The following SNTG1 variants were observed in gnomAD, a reference collection of about 807,000 sequenced individuals.
SNTG1 encodes gamma-1-syntrophin.
Under a neutral mutation model 74.7 loss-of-function variants are expected in SNTG1, and 39 were observed. The observed-to-expected ratio is 0.52, with a 90% CI of 0.40 to 0.68. The LOEUF (loss-of-function observed/expected upper bound fraction) is 0.68, where lower values mean the gene tolerates loss of function less well. Among genes scored for constraint, SNTG1 ranks in the 30% least tolerant of loss-of-function variants. The probability of loss-of-function intolerance (pLI) is 0.00; values close to 1 mark genes in which losing one functional copy is unlikely to be tolerated. For missense variants in SNTG1, 685 were observed against 609.5 expected (o/e 1.12, Z -1.30); for synonymous variants, 254 against 217.1 (o/e 1.17, Z -1.49).
At chr8:50,150,823 T>C (rs1194668163) in intron 1 of SNTG1, among the ~76,000 whole-genome samples, 4 of 152,236 alleles carry the variant, frequency 2.6e-5, no homozygotes, top group Admixed American at 6.5e-5. Context: ...CAGTATTTTA[T>C]TGAGGATTTT....
At chr8:50,145,559 A>G (rs899159974) in intron 1 of SNTG1, among the ~76,000 whole-genome samples, 1 of 152,274 alleles carries the variant, frequency 6.6e-6, no homozygotes, top group Admixed American at 6.5e-5. Context: ...AACTCTAGGG[A>G]TGAAGCCTGA....
At chr8:50,456,560 C>T (rs1391612003) in intron 8 of SNTG1, among the ~76,000 whole-genome samples, 2 of 152,012 alleles carry the variant, frequency 1.3e-5, no homozygotes, top group South Asian at 2.1e-4. Context: ...ATTTGAAGGG[C>T]CAAGTAGCTC....
At chr8:50,635,394 C>A (rs868007457) in intron 13 of SNTG1, among the ~76,000 whole-genome samples, 6 of 152,240 alleles carry the variant, frequency 3.9e-5, no homozygotes, top group Middle Eastern at 3.4e-3. Context: ...TTTTTTCAGG[C>A]CCTAGGCTGG....
At chr8:50,262,358 A>T (rs937422646) in intron 2 of SNTG1, among the ~76,000 whole-genome samples, 11 of 152,220 alleles carry the variant, frequency 7.2e-5, no homozygotes, top group African/African-American at 2.2e-4. Flanking sequence ...AAAAATCAAT[A>T]CAATTATAAA....
intron 12 of SNTG1, among the ~76,000 whole-genome samples, chr8:50,576,092 G>A (rs1193885456): frequency 6.6e-6 from 1 of 152,048 alleles, no homozygotes. Context: ...GATGCCAATT[G>A]CATGCATCCC....
intron 2 of SNTG1, among the ~76,000 whole-genome samples, chr8:50,374,005 T>C (rs2092324522): frequency 6.6e-6 from 1 of 152,186 alleles, no homozygotes; most frequent in Non-Finnish European, 1.5e-5. Context: ...TTTTTTTTTA[T>C]GGATTTAAAT....
chr8:50,146,835 T>G (rs778286215), intron 1 of SNTG1, among the ~76,000 whole-genome samples: 4 of 152,218 alleles, frequency 2.6e-5, no homozygotes, highest in African/African-American at 4.8e-5. Context: ...GTTAAGTGTC[T>G]GTTAAAAGTC....
intron 18 of SNTG1, among the ~76,000 whole-genome samples, chr8:50,791,404 G>T (rs904157003): frequency 6.6e-6 from 1 of 151,798 alleles, no homozygotes; most frequent in South Asian, 2.1e-4. Flanking sequence ...AAATATTGAA[G>T]GTTTCAAGGG....
chr8:50,076,551 A>C (rs1821912601), intron 1 of SNTG1, among the ~76,000 whole-genome samples: 1 of 152,184 alleles, frequency 6.6e-6, no homozygotes, highest in African/African-American at 2.4e-5. Context: ...ATACAAATCA[A>C]GAGATAGAAG....
chr8:50,302,348 C>T (rs1021342008), intron 2 of SNTG1, among the ~76,000 whole-genome samples: 1 of 152,116 alleles, frequency 6.6e-6, no homozygotes, highest in Non-Finnish European at 1.5e-5. Flanking sequence ...GTTGTGACAT[C>T]AGCTGTGATG....
At chr8:50,673,706 A>G (rs982726134) in intron 15 of SNTG1, among the ~76,000 whole-genome samples, 3 of 152,138 alleles carry the variant, frequency 2.0e-5, no homozygotes, top group Non-Finnish European at 2.9e-5. Flanking sequence ...AGAATTTCCA[A>G]TACTATGTTG....
intron 1 of SNTG1, among the ~76,000 whole-genome samples, chr8:49,946,198 T>C (rs1257245675): frequency 6.6e-6 from 1 of 152,222 alleles, no homozygotes. Context: ...TTTGAGTTAC[T>C]GTCAGCATTC....
intron 12 of SNTG1, among the ~76,000 whole-genome samples, chr8:50,588,797 A>G (rs1162018334): frequency 6.6e-6 from 1 of 152,152 alleles, no homozygotes; most frequent in Admixed American, 6.5e-5. Flanking sequence ...ACTTTAAAGA[A>G]TATTACTTCT....
At chr8:50,607,819 T>A (rs1177987472) in intron 13 of SNTG1, among the ~76,000 whole-genome samples, 1 of 151,676 alleles carries the variant, frequency 6.6e-6, no homozygotes, top group Non-Finnish European at 1.5e-5. Context: ...GTTTTACATC[T>A]TTCAGCCTAA....
intron 2 of SNTG1, among the ~76,000 whole-genome samples, chr8:50,340,154 T>C (rs187756228): frequency 3.4e-4 from 51 of 152,162 alleles, no homozygotes; most frequent in African/African-American, 1.2e-3. Context: ...CCTAAATTTA[T>C]ATATAGTTTC....
intron 1 of SNTG1, among the ~76,000 whole-genome samples, chr8:50,149,657 C>A (rs1468132830): frequency 6.6e-6 from 1 of 152,090 alleles, no homozygotes; most frequent in Non-Finnish European, 1.5e-5. Context: ...GAATCCTTTC[C>A]CCATTTCTTG....
At chr8:50,661,276 T>C (rs2095221780) in intron 15 of SNTG1, among the ~76,000 whole-genome samples, 1 of 152,314 alleles carries the variant, frequency 6.6e-6, no homozygotes, top group Admixed American at 6.5e-5. Context: ...AGGACTGATA[T>C]TTGCTCAGAC....
At chr8:50,115,014 C>T (rs988449858) in intron 1 of SNTG1, among the ~76,000 whole-genome samples, 2 of 152,094 alleles carry the variant, frequency 1.3e-5, no homozygotes, top group Middle Eastern at 3.4e-3. Context: ...ATGACATGTA[C>T]TTGTCAATTA....
At chr8:50,629,332 TTCG>T (rs1039798020) in intron 13 of SNTG1, among the ~76,000 whole-genome samples, 54 of 152,280 alleles carry the variant, frequency 3.5e-4, no homozygotes, top group African/African-American at 1.2e-3. Flanking sequence ...ATATTTTCTG[TTCG>T]TCATCTCCTT....
Sources: allele counts gnomAD v4.1 joint callset (sites outside exome capture counted in the v4.1 genomes callset), GRCh38; gene constraint gnomAD v4.1.1; transcripts MANE v1.5; gene names NCBI Gene and HGNC (gene_info 2026-07-23, HGNC 2026-07-21).